TF: variants seen among roughly 807,000 people sequenced by gnomAD.
TF encodes transferrin.
Under a neutral mutation model 82.4 loss-of-function variants are expected in TF, and 55 were observed. That is an observed-to-expected ratio of 0.67 (90% CI 0.54 to 0.84). The LOEUF is 0.84. Among genes scored for constraint, TF ranks in the 40% least tolerant of loss-of-function variants. TF has a pLI of 0.00. For synonymous variants in TF, 332 were observed against 332.6 expected (o/e 1.00, Z 0.02); for missense variants, 737 against 868.4 (o/e 0.85, Z 1.90).
the TF span, among the ~76,000 whole-genome samples, chr3:133,687,230 G>C: frequency 1.2e-3 from 181 of 152,220 alleles, 6 homozygotes; most frequent in East Asian, 0.033. Context: ...AGCATTAGGA[G>C]ATATACCTAA....
chr3:133,726,767 T>A, the TF span, among the ~76,000 whole-genome samples: 3 of 152,200 alleles, frequency 2.0e-5, no homozygotes, highest in Admixed American at 1.3e-4. Flanking sequence ...CAATTTTGGA[T>A]CTTTCCTGCT....
At chr3:133,740,986 A>ATTTTT in the TF span, among the ~76,000 whole-genome samples, 15 of 47,460 alleles carry the variant, frequency 3.2e-4, no homozygotes, top group Non-Finnish European at 4.3e-4. Context: ...ATCCAGCTCT[A>ATTTTT]TTTTTTTTTT....
intron 14 of TF, chr3:133,774,846 C>A: frequency 8.0e-6 from 2 of 250,810 alleles, no homozygotes; most frequent in Admixed American, 5.5e-5. Context: ...GAGCTGAAAC[C>A]CTAAGAATGG....
the TF span, among the ~76,000 whole-genome samples, chr3:133,707,224 G>T: frequency 1.8e-5 from 1 of 56,984 alleles, no homozygotes; most frequent in Non-Finnish European, 3.8e-5. Flanking sequence ...ACACACACAC[G>T]CATGGAAAGA....
At chr3:133,704,857 A>C in the TF span, among the ~76,000 whole-genome samples, 1,233 of 152,178 alleles carry the variant, frequency 8.1e-3, 21 homozygotes, top group African/African-American at 0.028. Flanking sequence ...GCTGGTGTAA[A>C]AGAGGGTTTC....
intron 8 of TF, among the ~76,000 whole-genome samples, chr3:133,758,722 C>T (rs1476096100): frequency 1.3e-5 from 2 of 152,202 alleles, no homozygotes; most frequent in African/African-American, 4.8e-5. Context: ...ATTTATTCAT[C>T]AGACATTTAT....
intron 16 of TF, chr3:133,778,345 T>C: frequency 2.4e-6 from 1 of 418,792 alleles, no homozygotes; most frequent in South Asian, 2.1e-5. Flanking sequence ...AGAAACAAGG[T>C]GGAGGACCCT....
chr3:133,751,947 T>C (rs1235754157), intron 2 of TF, among the ~76,000 whole-genome samples: 2 of 152,058 alleles, frequency 1.3e-5, no homozygotes, highest in Non-Finnish European at 2.9e-5. Context: ...TGAGCCGAGA[T>C]TGAGCCATTG....
chr3:133,770,724 T>A, intron 14 of TF, 152 bp downstream of exon 14: 1 of 949,134 alleles, frequency 1.1e-6, no homozygotes, highest in Non-Finnish European at 1.7e-6. Context: ...AAGAGAGACA[T>A]GTTCACCTGA....
chr3:133,719,295 C>T, the TF span, among the ~76,000 whole-genome samples: 1 of 152,166 alleles, frequency 6.6e-6, no homozygotes, highest in Admixed American at 6.5e-5. Flanking sequence ...AACGGGAGAA[C>T]ACAAGCACCT....
chr3:133,703,733 AAAT>A, the TF span, among the ~76,000 whole-genome samples: 1 of 152,242 alleles, frequency 6.6e-6, no homozygotes, highest in Non-Finnish European at 1.5e-5. Flanking sequence ...TAATTGATTA[AAAT>A]AATAAGTGAA....
the TF span, among the ~76,000 whole-genome samples, chr3:133,676,991 A>G: frequency 6.6e-5 from 10 of 152,332 alleles, no homozygotes; most frequent in African/African-American, 2.4e-4. Flanking sequence ...TCAAACAAGA[A>G]CTATTCTGGT....
At chr3:133,663,516 G>A in the TF span, among the ~76,000 whole-genome samples, 21,651 of 151,634 alleles carry the variant, frequency 0.14, 1,857 homozygotes, top group Non-Finnish European at 0.2. Context: ...AATTGTTAAG[G>A]TGCAAATCTG....
chr3:133,732,457 A>G, the TF span, among the ~76,000 whole-genome samples: 1 of 152,218 alleles, frequency 6.6e-6, no homozygotes, highest in Non-Finnish European at 1.5e-5. Context: ...AATCAGCAGG[A>G]TGTGGGTGGG....
the TF span, among the ~76,000 whole-genome samples, chr3:133,683,141 A>G: frequency 7.6e-3 from 1,154 of 152,340 alleles, 10 homozygotes; most frequent in African/African-American, 0.026. Context: ...TCCTTTACAG[A>G]CAAGCAAATG....
intron 2 of TF, 56 bp from the exon 3 acceptor site, chr3:133,753,539 G>T: frequency 6.7e-7 from 1 of 1,500,780 alleles, no homozygotes; most frequent in Non-Finnish European, 9.3e-7. Flanking sequence ...TGTGGGTTGA[G>T]GTGGGCCTTC....
At chr3:133,699,637 C>T in the TF span, 22 of 516,492 alleles carry the variant, frequency 4.3e-5, no homozygotes, top group Non-Finnish European at 5.8e-5. Context: ...TCCCCACCTG[C>T]CATCTTCCCC....
At position 133,782,891 on chromosome 3, in the gene TF, G is replaced by C. The variant is rs2107940878; in HGVS notation, c.*4271G>C. The C allele has an allele frequency of 6.6e-6, 1 of 152,074 alleles. No individual in the cohort carries two copies. The highest frequency in any genetic ancestry group is 1.9e-4 in the East Asian group (1 of 5,186). 9.4% of individuals were successfully genotyped at this position (152,074 alleles called of 1,614,324 possible). On this transcript the variant is annotated 3_prime_UTR_variant, in exon 17 of 17. Transcript: ENST00000402696. ...CACACACAAAAAAAATTAGCGAGGA[G>C]TGCTGGTGCCCACCTGTAGTCCCAG...
rs1353545319 is a variant in TF at position 133,796,265 on chromosome 3, G to T, written c.*17645G>T. 6.5e-6 allele frequency: 1 copy of T among 152,746 alleles called. No homozygotes were observed. The highest frequency in any genetic ancestry group is 2.4e-5 in the African/African-American group (1 of 41,456). 9.5% of individuals were successfully genotyped at this position (152,746 alleles called of 1,614,324 possible). A position where few individuals can be genotyped will look rare whatever the true frequency, so the allele number is the denominator to read the frequency against. On this transcript the variant is annotated 3_prime_UTR_variant, in exon 17 of 17. Coordinates refer to ENST00000402696, the MANE Select transcript of TF (RefSeq NM_001063.4). ...AGCAGGACTTCTGTGATCCTCAATA[G>T]GTAGGGACTAGGCCTCAAGCCAACA...
Sources: gnomAD v4.1 joint callset for allele counts (sites outside exome capture counted in the v4.1 genomes callset) on GRCh38, gnomAD v4.1.1 for gene constraint, MANE v1.5 for transcripts, NCBI Gene and HGNC (gene_info 2026-07-23, HGNC 2026-07-21) for gene names.